The following PGM2 variants were observed in gnomAD, a reference collection of about 807,000 sequenced individuals.
PGM2 encodes phosphopentomutase.
PGM2 carries 57 observed loss-of-function variants against 74.6 expected under a neutral mutation model. The observed-to-expected ratio is 0.76, with a 90% confidence interval of 0.62 to 0.95. The LOEUF is 0.95. Ranked by LOEUF, PGM2 falls within the 40% of genes least tolerant of loss-of-function variation. PGM2 has a pLI of 0.00. For synonymous variants in PGM2, 273 were observed against 260.7 expected, an observed-to-expected ratio of 1.05 and a Z score of -0.46; for missense variants, 706 against 741.9, an observed-to-expected ratio of 0.95 and a Z score of 0.56.
chr4:37,851,488 T>G (rs78650855), intron 12 of PGM2, among the ~76,000 whole-genome samples: 80,762 of 151,938 alleles, frequency 0.53, 22,107 homozygotes, highest in Non-Finnish European at 0.61. Context: ...CTTTCTATGT[T>G]GGGGTTGGGG....
At position 37,834,727 on chromosome 4, in the gene PGM2, A is replaced by T; in HGVS notation, c.356+3A>T. 7.6e-7 allele frequency: 1 copy of T among 1,317,390 alleles called. No individual in the cohort carries two copies. The highest frequency in any genetic ancestry group is 1.1e-6 in the Non-Finnish European group (1 of 929,556). 81.6% of individuals were successfully genotyped at this position (1,317,390 alleles called of 1,614,324 possible). ...TCCAGTGGGGGTAGCAGCAGAAGGT[A>T]TTTAAACATTTTTACAAAATGATGT... On this transcript the variant is annotated splice_donor_region_variant and intron_variant, in intron 3 of 13. Coordinates refer to ENST00000381967, the MANE Select transcript of PGM2 (RefSeq NM_018290.4).
At chr4:37,840,594 A>G (rs1725681931) in intron 6 of PGM2, among the ~76,000 whole-genome samples, 1 of 152,136 alleles carries the variant, frequency 6.6e-6, no homozygotes, top group African/African-American at 2.4e-5. Context: ...CATGTTGGCC[A>G]GGCTAGTCTT....
At chr4:37,826,892 C>G in intron 1 of PGM2, 79 bp downstream of exon 1, 1 of 830,050 alleles carries the variant, frequency 1.2e-6, no homozygotes, top group Non-Finnish European at 1.9e-6. Flanking sequence ...GCTGCTTGCT[C>G]TGCCTGAGCT....
At chr4:37,845,045 A>G (rs1725834539) in intron 7 of PGM2, among the ~76,000 whole-genome samples, 1 of 152,122 alleles carries the variant, frequency 6.6e-6, no homozygotes, top group African/African-American at 2.4e-5. Flanking sequence ...GGATCTTTCA[A>G]ATTAAACACC....
At chr4:37,841,072 G>A (rs1282788625) in intron 6 of PGM2, among the ~76,000 whole-genome samples, 9 of 113,802 alleles carry the variant, frequency 7.9e-5, no homozygotes, top group African/African-American at 1.4e-4. Context: ...ATATGCAAGC[G>A]TATATATATA....
At position 37,850,969 on chromosome 4, in the gene PGM2, T is replaced by C. The variant is rs207464547; in HGVS notation, c.1602+596T>C. On this transcript the variant is annotated intron_variant, in intron 12 of 13. Coordinates refer to ENST00000381967, the MANE Select transcript of PGM2 (RefSeq NM_018290.4). ...TTGCACCACTACACTCTAGCCTGGG[T>C]GACAGAGCAAGACTTCATCTCAAAA... Among the ~76,000 whole-genome samples, 6 of 118,886 alleles carry C rather than the reference T, an allele frequency of 5.0e-5. No homozygotes were observed. In the Admixed American group the frequency reaches 5.8e-4, roughly 11 times the overall value. The allele number at this position is 118,886 out of a possible 152,430, so 78.0% of individuals were successfully genotyped here.
intron 12 of PGM2, among the ~76,000 whole-genome samples, chr4:37,851,023 T>A (rs926949268): frequency 6.8e-6 from 1 of 146,264 alleles, no homozygotes; most frequent in Non-Finnish European, 1.5e-5. Context: ...GAACTAGTCA[T>A]CAAAGCCTGT....
Position 37,844,436 on chromosome 4 carries a change from G to T in PGM2, c.792G>T (p.Gln264His). 1 of 1,613,780 alleles carries T rather than the reference G, an allele frequency of 6.2e-7. No homozygotes were observed. Residue 264 changes from glutamine (Q) to histidine (H), a missense_variant, in exon 7 of 14, where the codon CAG becomes CAT. Transcript: ENST00000381967. ...ATGGGGTGGGTCATAGCTTTGTGCA[G>T]TCAGCTTTCAAGGCTTTTGACCTTG... The part of the protein sequence containing the change: ...SVHGVGHSFV[Q>H]SAFKAFDLVP...
intron 4 of PGM2, chr4:37,839,551 G>A (rs1399513695): frequency 3.7e-6 from 2 of 534,152 alleles, no homozygotes; most frequent in African/African-American, 1.9e-5. Flanking sequence ...TGGAGGCTTA[G>A]ACCATCGTTG....
intron 2 of PGM2, among the ~76,000 whole-genome samples, chr4:37,832,888 C>T (rs918519282): frequency 3.3e-5 from 5 of 152,134 alleles, no homozygotes; most frequent in African/African-American, 1.2e-4. Flanking sequence ...CCTCTTCCCC[C>T]ACTGAGTCTT....
chr4:37,837,454 C>A, intron 3 of PGM2, 75 bp from the exon 4 acceptor site: 1 of 861,048 alleles, frequency 1.2e-6, no homozygotes, highest in Non-Finnish European at 2.0e-6. Flanking sequence ...ATTCAGCATT[C>A]ATTTCCTTCT....
chr4:37,851,114 C>A (rs1418828771), intron 12 of PGM2, among the ~76,000 whole-genome samples: 1 of 151,958 alleles, frequency 6.6e-6, no homozygotes, highest in Non-Finnish European at 1.5e-5. Flanking sequence ...TGGTGGTGGT[C>A]CAGGGAGAAT....
At chr4:37,855,113 A>T (rs1441076646) in intron 12 of PGM2, among the ~76,000 whole-genome samples, 1 of 152,202 alleles carries the variant, frequency 6.6e-6, no homozygotes. Context: ...ACCGTATTGT[A>T]CAATAGATCT....
intron 10 of PGM2, among the ~76,000 whole-genome samples, chr4:37,847,839 ACT>A (rs1290553058): frequency 1.3e-5 from 2 of 152,146 alleles, no homozygotes; most frequent in African/African-American, 2.4e-5. Context: ...GAAATTTGAA[ACT>A]CACATTGTAC....
chr4:37,846,819 C>A, intron 8 of PGM2, 112 bp from the exon 9 acceptor site: 1 of 809,512 alleles, frequency 1.2e-6, no homozygotes, highest in Non-Finnish European at 2.0e-6. Flanking sequence ...AACAGCCTTG[C>A]AGAAAATACT....
In PGM2 at chr4:37,861,814, C is replaced by A; in HGVS notation, c.*202C>A. ...CAAACCCAACAAACTAACATTCCTA[C>A]TAAAAAGTTGAGCTTGGACATATTT... On this transcript the variant is annotated 3_prime_UTR_variant, in exon 14 of 14. Coordinates refer to ENST00000381967, the MANE Select transcript of PGM2 (RefSeq NM_018290.4). The A allele has an allele frequency of 2.3e-6, 1 of 425,922 alleles. No individual in the cohort carries two copies. Among genetic ancestry groups the A allele is most frequent in the Non-Finnish European group, 4.3e-6 (1 of 233,754 alleles). The allele number at this position is 425,922 out of a possible 1,614,324, so 26.4% of individuals were successfully genotyped here. A position where few individuals can be genotyped will look rare whatever the true frequency, so the allele number is the denominator to read the frequency against.
At chr4:37,830,689 G>A (rs1725420127) in intron 2 of PGM2, among the ~76,000 whole-genome samples, 1 of 152,136 alleles carries the variant, frequency 6.6e-6, no homozygotes, top group African/African-American at 2.4e-5. Context: ...CTGTTTATGA[G>A]GGAAATGAAA....
In PGM2 at chr4:37,861,537, G is replaced by T; in HGVS notation, c.1764G>T (p.Leu588=). The T allele has an allele frequency of 6.2e-7, 1 of 1,612,604 alleles. No individual in the cohort carries two copies. The highest frequency in any genetic ancestry group is 8.5e-7 in the Non-Finnish European group (1 of 1,178,830). Residue 588 remains leucine (L), a synonymous_variant, in exon 14 of 14, where the codon CTG becomes CTT. Transcript: ENST00000381967. ...NSDPEQLKKE[L]NELVSAIEEH... is the part of the protein sequence containing the mutation. ...ATCCTGAGCAGCTGAAGAAGGAACT[G>T]AATGAACTGGTCAGTGCTATTGAAG...
chr4:37,843,233 T>C (rs557595206), intron 6 of PGM2, among the ~76,000 whole-genome samples: 1 of 152,352 alleles, frequency 6.6e-6, no homozygotes, highest in East Asian at 1.9e-4. Context: ...TTTTTATGTC[T>C]AGTACCAAGC....
Sources: allele counts gnomAD v4.1 joint callset (sites outside exome capture counted in the v4.1 genomes callset), GRCh38; gene constraint gnomAD v4.1.1; transcripts MANE v1.5; gene names NCBI Gene and HGNC (gene_info 2026-07-23, HGNC 2026-07-21).